HSPA4L: variants seen among roughly 807,000 people sequenced by gnomAD.
HSPA4L encodes the protein heat shock 70 kDa protein 4L.
HSPA4L carries 48 observed loss-of-function variants against 100.3 expected under a neutral mutation model. That is an observed-to-expected ratio of 0.48 (90% CI 0.38 to 0.61). The LOEUF (loss-of-function observed/expected upper bound fraction) is 0.61, where lower values mean the gene tolerates loss of function less well. Ranked by LOEUF, HSPA4L falls within the 20% of genes least tolerant of loss-of-function variation. HSPA4L has a pLI of 0.00. For synonymous variants in HSPA4L, 319 were observed against 328.2 expected, an observed-to-expected ratio of 0.97 and a Z score of 0.30; for missense variants, 886 against 988.6, an observed-to-expected ratio of 0.90 and a Z score of 1.39.
chr4:127,795,964 G>A, intron 3 of HSPA4L, 56 bp downstream of exon 3: 3 of 1,543,600 alleles, frequency 1.9e-6, no homozygotes, highest in Non-Finnish European at 2.7e-6. Context: ...TAAACCCAAT[G>A]TGATAATATT....
rs773602818 is a variant in HSPA4L at position 127,798,699 on chromosome 4, G to C, written c.419G>C (p.Cys140Ser). 6.2e-7 allele frequency: 1 copy of C among 1,613,426 alleles called. No individual in the cohort carries two copies. Among genetic ancestry groups the C allele is most frequent in the South Asian group, 1.1e-5 (1 of 91,034 alleles). Residue 140 changes from cysteine (C) to serine (S), a missense_variant, in exon 4 of 19, where the codon TGT becomes TCT. By Grantham distance (112) the Cys-to-Ser change is moderately radical (BLOSUM62 -1). Transcript: ENST00000296464. Reference sequence around the variant, plus strand: ...GCTTTGAAGAAACCAGTGGCTGACTGTGTGATTTCAGTAAGTTTTACTTCA... The same window carrying C: ...GCTTTGAAGAAACCAGTGGCTGACTCTGTGATTTCAGTAAGTTTTACTTCA... Reference protein sequence around the residue: ...ENALKKPVADCVISIPSFFTD... With the variant: ...ENALKKPVADSVISIPSFFTD...
rs1414203855 is a variant in HSPA4L at position 127,839,278 on chromosome 4, G to A, written c.*6404G>A. ...TCTTAAAATTATATGAATCTACCCA[G>A]AATGTAGATGTCAAAATGTAATTAG... On this transcript the variant is annotated 3_prime_UTR_variant, in exon 19 of 19. Transcript: ENST00000296464. 6.6e-6 allele frequency: 1 copy of A among 152,168 alleles called. No homozygotes were observed. Among genetic ancestry groups the A allele is most frequent in the African/African-American group, 2.4e-5 (1 of 41,432 alleles). The allele number at this position is 152,168 out of a possible 1,614,324, so 9.4% of individuals were successfully genotyped here. A position where few individuals can be genotyped will look rare whatever the true frequency, so the allele number is the denominator to read the frequency against.
chr4:127,821,741 A>G (rs972038821), intron 14 of HSPA4L, among the ~76,000 whole-genome samples: 4 of 152,112 alleles, frequency 2.6e-5, no homozygotes, highest in African/African-American at 7.2e-5. Context: ...ATTACCAGTT[A>G]TGTGTCAAAC....
chr4:127,805,622 A>G, intron 9 of HSPA4L, 65 bp from the exon 10 acceptor site: 1 of 1,239,158 alleles, frequency 8.1e-7, no homozygotes, highest in Non-Finnish European at 1.2e-6. Flanking sequence ...AAGCAGTTCA[A>G]TCAGAGTAAC....
chr4:127,813,040 T>G, intron 12 of HSPA4L: 1 of 953,970 alleles, frequency 1.0e-6, no homozygotes, highest in Non-Finnish European at 1.7e-6. Flanking sequence ...GTAACACTTG[T>G]GGGGCATTCC....
intron 18 of HSPA4L, among the ~76,000 whole-genome samples, chr4:127,832,340 A>G (rs568769064): frequency 6.6e-6 from 1 of 152,304 alleles, no homozygotes; most frequent in East Asian, 1.9e-4. Flanking sequence ...GTGTTATTTG[A>G]TGTAATTCTC....
chr4:127,795,987 T>C (rs547178659), intron 3 of HSPA4L, 79 bp downstream of exon 3: 513 of 1,450,844 alleles, frequency 3.5e-4, no homozygotes, highest in Non-Finnish European at 4.4e-4. Flanking sequence ...TATTTGTAGT[T>C]TGACCTTTTT....
At chr4:127,804,146 G>T (rs13139935) in intron 8 of HSPA4L, 59 bp downstream of exon 8, 2 of 1,263,456 alleles carry the variant, frequency 1.6e-6, no homozygotes, top group South Asian at 1.3e-5. Flanking sequence ...CTTAGCGGGG[G>T]TAGATAATGA....
chr4:127,808,450 A>G (rs947737971), intron 11 of HSPA4L, among the ~76,000 whole-genome samples: 1 of 152,198 alleles, frequency 6.6e-6, no homozygotes, highest in Non-Finnish European at 1.5e-5. Context: ...CTACTGACAT[A>G]CCATTTATTT....
At position 127,840,411 on chromosome 4, in the gene HSPA4L, A is replaced by G. The variant is rs1276252895; in HGVS notation, c.*7537A>G. ...AACCACTGAAATGCAGAAAATGGTA[A>G]TCAAGTGTGATGTTTCTATAAAAAT... is the stretch of plus-strand genomic sequence containing the variant. On this transcript the variant is annotated 3_prime_UTR_variant, in exon 19 of 19. Transcript: ENST00000296464. The G allele has an allele frequency of 1.3e-5, 2 of 152,200 alleles. No homozygotes were observed. The highest frequency in any genetic ancestry group is 2.4e-5 in the African/African-American group (1 of 41,446). 9.4% of individuals were successfully genotyped at this position (152,200 alleles called of 1,614,324 possible).
intron 11 of HSPA4L, chr4:127,809,512 T>C: frequency 1.1e-6 from 1 of 892,652 alleles, no homozygotes; most frequent in South Asian, 1.3e-5. Context: ...GACTTTGTAA[T>C]ATCAAATGCC....
intron 6 of HSPA4L, among the ~76,000 whole-genome samples, chr4:127,803,040 C>T (rs1357708853): frequency 6.6e-6 from 1 of 152,128 alleles, no homozygotes; most frequent in Non-Finnish European, 1.5e-5. Flanking sequence ...CTATGACTCT[C>T]TTCTGCTGGG....
intron 6 of HSPA4L, among the ~76,000 whole-genome samples, chr4:127,802,420 G>A (rs1238799323): frequency 2.6e-5 from 4 of 152,242 alleles, no homozygotes; most frequent in Non-Finnish European, 4.4e-5. Flanking sequence ...AGTATGCACA[G>A]AGTAGAGTTT....
At chr4:127,794,776 AAGC>A (rs889936088) in intron 2 of HSPA4L, among the ~76,000 whole-genome samples, 1 of 152,066 alleles carries the variant, frequency 6.6e-6, no homozygotes, top group African/African-American at 2.4e-5. Context: ...GAGTCTCTAA[AAGC>A]AGCCTTTAAA....
chr4:127,828,636 A>G (rs1385754570), intron 17 of HSPA4L, among the ~76,000 whole-genome samples: 1 of 152,094 alleles, frequency 6.6e-6, no homozygotes, highest in Non-Finnish European at 1.5e-5. Flanking sequence ...TGAAACAAAA[A>G]CTGCAGTTCA....
At chr4:127,801,458 CGTGTGTGTGTGTGTGTGTGTGTGTGTGT>C (rs33966471) in intron 5 of HSPA4L, among the ~76,000 whole-genome samples, 2 of 144,854 alleles carry the variant, frequency 1.4e-5, no homozygotes, top group African/African-American at 5.2e-5. Flanking sequence ...TATAAAAATA[CGTGTGTGTGTGTGTGTGTGTGTGTGTGT>C]GTGTGTGTGT....
chr4:127,808,512 G>A (rs1050855269), intron 11 of HSPA4L, among the ~76,000 whole-genome samples: 1 of 151,990 alleles, frequency 6.6e-6, no homozygotes, highest in Non-Finnish European at 1.5e-5. Context: ...AAGAGTATTT[G>A]GGAGGTTGTA....
At chr4:127,822,956 G>A in intron 15 of HSPA4L, 62 bp downstream of exon 15, 1 of 1,471,302 alleles carries the variant, frequency 6.8e-7, no homozygotes, top group South Asian at 1.3e-5. Flanking sequence ...GAGAATGCTA[G>A]TACAAATTAC....
intron 10 of HSPA4L, among the ~76,000 whole-genome samples, chr4:127,806,266 T>C (rs1249726123): frequency 6.6e-6 from 1 of 152,014 alleles, no homozygotes; most frequent in Non-Finnish European, 1.5e-5. Context: ...GTTTTTTCAA[T>C]AGTTATATGT....
Sources: gnomAD v4.1 joint callset for allele counts (sites outside exome capture counted in the v4.1 genomes callset) on GRCh38, gnomAD v4.1.1 for gene constraint, MANE v1.5 for transcripts, NCBI Gene and HGNC (gene_info 2026-07-23, HGNC 2026-07-21) for gene names.